The following UTP11 variants were observed in gnomAD, a reference collection of about 807,000 sequenced individuals.
The protein encoded by UTP11 is UTP11 small subunit processome component, also known as probable U3 small nucleolar RNA-associated protein 11.
A neutral mutation model predicts 39.0 loss-of-function variants in UTP11; 29 were observed. That is an observed-to-expected ratio of 0.74 (90% CI 0.55 to 1.01). UTP11 has a LOEUF of 1.01. UTP11 is among the 50% of genes least tolerant of loss of function. The pLI is 0.00. For missense variants in UTP11, 281 were observed against 306.0 expected, an observed-to-expected ratio of 0.92 and a Z score of 0.61; for synonymous variants, 111 against 105.0, an observed-to-expected ratio of 1.06 and a Z score of -0.35.
intron 6 of UTP11, among the ~76,000 whole-genome samples, chr1:38,019,858 G>A (rs1646726900): frequency 6.6e-6 from 1 of 152,114 alleles, no homozygotes; most frequent in Non-Finnish European, 1.5e-5. Context: ...TTTGATGATG[G>A]GATGGAAGTG....
At position 38,019,367 on chromosome 1, in the gene UTP11, A is replaced by G. The variant is rs560257936; in HGVS notation, c.551A>G (p.Asn184Ser). The change falls in exon 6 of 8, where the codon AAT (asparagine) becomes AGT (serine). Residue 184 changes from asparagine to serine, a missense_variant. By Grantham distance (46) the Asn-to-Ser change is conservative. Coordinates refer to ENST00000373014, the MANE Select transcript of UTP11 (RefSeq NM_016037.4). ...LQKEKVKGVT[N>S]QTGLKRIAKE... ...AAAGAAAAAGTGAAAGGAGTTACCA[A>G]TCAGACTGGACTTAAGGTAATTTTC... 10 of 1,613,720 alleles carry G rather than the reference A, an allele frequency of 6.2e-6. No individual in the cohort carries two copies. Among genetic ancestry groups the G allele is most frequent in the Middle Eastern group, 1.7e-4 (1 of 6,058 alleles).
Position 38,012,762 on chromosome 1 carries a change from AT to A in UTP11, c.-40del. ...GGACTTGGCGGCAGAGGCAGTGCGGATCCGGCGTTCTCCACTGATCTTTTCC... is the reference window on the plus strand; with the variant it reads ...GGACTTGGCGGCAGAGGCAGTGCGGACCGGCGTTCTCCACTGATCTTTTCC... On this transcript the variant is annotated 5_prime_UTR_variant, in exon 1 of 8. Coordinates refer to ENST00000373014, the MANE Select transcript of UTP11 (RefSeq NM_016037.4). 6.2e-7 allele frequency: 1 copy of A among 1,613,792 alleles called. No individual in the cohort carries two copies. Among genetic ancestry groups the A allele is most frequent in the Non-Finnish European group, 8.5e-7 (1 of 1,179,708 alleles).
Position 38,023,751 on chromosome 1 carries a change from C to A in UTP11, c.*123C>A. 2 of 730,332 alleles carry A rather than the reference C, an allele frequency of 2.7e-6. No individual in the cohort carries two copies. The highest frequency in any genetic ancestry group is 4.3e-6 in the Non-Finnish European group (2 of 468,468). The allele number at this position is 730,332 out of a possible 1,614,324, so 45.2% of individuals were successfully genotyped here. ...TTGTAACCATAACTAAATTGTCAGT[C>A]TGACATTTAATGTCTTTCTATGGAC... On this transcript the variant is annotated 3_prime_UTR_variant, in exon 8 of 8. Transcript: ENST00000373014.
At chr1:38,015,720 T>G (rs541776056) in intron 1 of UTP11, among the ~76,000 whole-genome samples, 6 of 152,288 alleles carry the variant, frequency 3.9e-5, no homozygotes, top group African/African-American at 1.4e-4. Flanking sequence ...CTGTCATACT[T>G]TTTTCTCATA....
intron 6 of UTP11, 27 bp downstream of exon 6, chr1:38,019,410 G>A: frequency 1.9e-6 from 3 of 1,570,392 alleles, no homozygotes; most frequent in Non-Finnish European, 2.6e-6. Flanking sequence ...TTCTTCACAT[G>A]TGAGCTTAGG....
In UTP11 at chr1:38,019,074, A is replaced by G. The variant is rs1278822570; in HGVS notation, c.358A>G (p.Lys120Glu). The G allele has an allele frequency of 6.2e-7, 1 of 1,613,860 alleles. No homozygotes were observed. Among genetic ancestry groups the G allele is most frequent in the Non-Finnish European group, 8.5e-7 (1 of 1,179,980 alleles). Residue 120 changes from lysine to glutamate, a missense_variant, in exon 5 of 8, where the codon AAA (lysine) becomes GAA (glutamate). Coordinates refer to ENST00000373014, the MANE Select transcript of UTP11 (RefSeq NM_016037.4). ...VAEAKKIERL[K>E]SELHLLDFQG... Reference sequence around the variant, plus strand: ...TGTGTTCTAGAAAATCGAAAGACTAAAATCAGAGCTCCATCTGCTGGATTT... The same window carrying G: ...TGTGTTCTAGAAAATCGAAAGACTAGAATCAGAGCTCCATCTGCTGGATTT...
chr1:38,020,855 A>T (rs1204395415), intron 6 of UTP11, among the ~76,000 whole-genome samples: 2 of 152,152 alleles, frequency 1.3e-5, no homozygotes, highest in African/African-American at 4.8e-5. Context: ...TTCTGTAGAT[A>T]ACACTTCCAG....
In UTP11 at chr1:38,019,381, A is replaced by C; in HGVS notation, c.565A>C (p.Lys189Gln). The change falls in exon 6 of 8, where the codon AAG (lysine) becomes CAG (glutamine). Residue 189 changes from lysine to glutamine, a missense_variant and splice_region_variant. By Grantham distance (53) the Lys-to-Gln change is moderately conservative. Coordinates refer to ENST00000373014, the MANE Select transcript of UTP11 (RefSeq NM_016037.4). The part of the protein sequence containing the change: ...VKGVTNQTGL[K>Q]RIAKERQKQY... ...AGGAGTTACCAATCAGACTGGACTTAAGGTAATTTTCTCTGTTGTTCTTCA... is the reference window on the plus strand; with the variant it reads ...AGGAGTTACCAATCAGACTGGACTTCAGGTAATTTTCTCTGTTGTTCTTCA... The C allele has an allele frequency of 1.2e-6, 2 of 1,611,754 alleles. No homozygotes were observed. The highest frequency in any genetic ancestry group is 1.7e-6 in the Non-Finnish European group (2 of 1,178,596).
chr1:38,017,553 T>G, intron 2 of UTP11, 115 bp from the exon 3 acceptor site: 1 of 785,932 alleles, frequency 1.3e-6, no homozygotes, highest in Non-Finnish European at 1.9e-6. Context: ...TTTTTGAGTT[T>G]CACTCTGTGT....
At chr1:38,022,637 A>T in intron 6 of UTP11, 62 bp from the exon 7 acceptor site, 8 of 1,121,372 alleles carry the variant, frequency 7.1e-6, no homozygotes, top group Non-Finnish European at 1.1e-5. Context: ...ATTAAGAAAC[A>T]GTTTCTTACT....
At chr1:38,021,047 G>T (rs893528081) in intron 6 of UTP11, among the ~76,000 whole-genome samples, 4 of 151,544 alleles carry the variant, frequency 2.6e-5, no homozygotes, top group African/African-American at 9.7e-5. Context: ...TCAGCCTCCC[G>T]AGTAGCTGGG....
At chr1:38,012,930 T>G (rs2148735835) in intron 1 of UTP11, 65 bp downstream of exon 1, 2 of 1,599,528 alleles carry the variant, frequency 1.3e-6, no homozygotes, top group African/African-American at 2.7e-5. Flanking sequence ...GCCCCAACCC[T>G]GTCGCCACCG....
At chr1:38,018,230 C>T (rs1282550452) in intron 3 of UTP11, among the ~76,000 whole-genome samples, 4 of 152,014 alleles carry the variant, frequency 2.6e-5, no homozygotes, top group Admixed American at 6.6e-5. Context: ...CTACTGTGCC[C>T]GGCTAAGTTT....
At chr1:38,013,703 T>C (rs1646691087) in intron 1 of UTP11, among the ~76,000 whole-genome samples, 1 of 151,866 alleles carries the variant, frequency 6.6e-6, no homozygotes, top group Non-Finnish European at 1.5e-5. Context: ...GTCTTCCTGC[T>C]TAATAGCATA....
rs1358778804 is a variant in UTP11 at position 38,016,353 on chromosome 1, T to G, written c.64-6T>G. ...AAGCACTGTTGTTCTTTCTTTTGTC[T>G]TCTAGCCTGGCTTTCGAAAACATCT... On this transcript the variant is annotated splice_region_variant and splice_polypyrimidine_tract_variant and intron_variant, in intron 1 of 7. Coordinates refer to ENST00000373014, the MANE Select transcript of UTP11 (RefSeq NM_016037.4). The G allele has an allele frequency of 3.7e-6, 6 of 1,614,042 alleles. No individual in the cohort carries two copies. Among genetic ancestry groups the G allele is most frequent in the Non-Finnish European group, 5.1e-6 (6 of 1,179,992 alleles).
rs1182922071 is a variant in UTP11, at chr1:38,024,424, C to G, written c.*796C>G. 1 of 125,422 alleles carries G rather than the reference C, an allele frequency of 8.0e-6. No individual in the cohort carries two copies. Among genetic ancestry groups the G allele is most frequent in the Non-Finnish European group, 1.6e-5 (1 of 63,054 alleles). 7.8% of individuals were successfully genotyped at this position (125,422 alleles called of 1,614,324 possible). ...TTTTTTTTTTTTTTTGAGACGGAGTCTCGCTCTGTCGCCCAGGCCGGACTG... is the reference window on the plus strand; with the variant it reads ...TTTTTTTTTTTTTTTGAGACGGAGTGTCGCTCTGTCGCCCAGGCCGGACTG... On this transcript the variant is annotated 3_prime_UTR_variant, in exon 8 of 8. Coordinates refer to ENST00000373014, the MANE Select transcript of UTP11 (RefSeq NM_016037.4).
At position 38,021,386 on chromosome 1, in the gene UTP11, T is replaced by C. The variant is rs376961653; in HGVS notation, c.568-1313T>C. Among the ~76,000 whole-genome samples the C allele has an allele frequency of 3.3e-5, 5 of 152,154 alleles. No individual in the cohort carries two copies. In the East Asian group the frequency reaches 9.6e-4, roughly 29 times the overall value. ...GCCATTTTTGTCTAGTAATTATGTTTCTTTCTATTTTGTTTACTGCAAAAT... is the reference window on the plus strand; with the variant it reads ...GCCATTTTTGTCTAGTAATTATGTTCCTTTCTATTTTGTTTACTGCAAAAT... On this transcript the variant is annotated intron_variant, in intron 6 of 7. Transcript: ENST00000373014.
chr1:38,019,440 TTTG>T, intron 6 of UTP11, 57 bp downstream of exon 6: 2 of 1,376,430 alleles, frequency 1.5e-6, no homozygotes. Context: ...GTGTTTTTTT[TTTG>T]TTTTTTTTTT....
Position 38,023,601 on chromosome 1 carries a change from T to TA in UTP11, c.738dup (p.Phe247IlefsTer13), listed in dbSNP as rs1269675686. 13 of 1,611,062 alleles carry TA rather than the reference T, an allele frequency of 8.1e-6. No homozygotes were observed. Among genetic ancestry groups the TA allele is most frequent in the Non-Finnish European group, 1.0e-5 (12 of 1,178,846 alleles). ...AAACGGTGAACTCCCCAGCTATTTA[T>TA]AAATTTCAGAGTCGTCGAAAACGTT... On this transcript the variant is annotated frameshift_variant, in exon 8 of 8. Coordinates refer to ENST00000373014, the MANE Select transcript of UTP11 (RefSeq NM_016037.4). LOFTEE classifies it high-confidence loss of function.
Sources: allele counts gnomAD v4.1 joint callset (sites outside exome capture counted in the v4.1 genomes callset), GRCh38; gene constraint gnomAD v4.1.1; transcripts MANE v1.5; gene names NCBI Gene and HGNC (gene_info 2026-07-23, HGNC 2026-07-21).